Variants in NID1 observed in about 807,000 individuals in gnomAD.
NID1 encodes the protein nidogen-1.
Under a neutral mutation model 130.6 loss-of-function variants are expected in NID1, and 76 were observed. The observed-to-expected ratio is 0.58, with a 90% confidence interval of 0.48 to 0.70. The LOEUF (loss-of-function observed/expected upper bound fraction) is 0.70. Among genes scored for constraint, NID1 ranks in the 30% least tolerant of loss-of-function variants. NID1 has a pLI of 0.00. For synonymous variants in NID1, 665 were observed against 675.1 expected (o/e 0.98, Z 0.23); for missense variants, 1,517 against 1,664.8 (o/e 0.91, Z 1.54).
chr1:236,030,373 G>A (rs138575704), intron 6 of NID1, among the ~76,000 whole-genome samples: 129 of 152,252 alleles, frequency 8.5e-4, no homozygotes, highest in African/African-American at 3.0e-3. Flanking sequence ...GACAGCAGGG[G>A]TTGACAAACT....
chr1:236,028,969 G>A (rs1659018789), intron 7 of NID1, among the ~76,000 whole-genome samples: 1 of 152,110 alleles, frequency 6.6e-6, no homozygotes, highest in South Asian at 2.1e-4. Context: ...TTGAGGTCAG[G>A]AGTTCCAGAT....
intron 3 of NID1, among the ~76,000 whole-genome samples, chr1:236,042,625 G>T (rs1659488615): frequency 6.6e-6 from 1 of 152,230 alleles, no homozygotes; most frequent in African/African-American, 2.4e-5. Context: ...TATGAGCTAA[G>T]GTGGCTCATA....
At chr1:236,025,826 A>G (rs1658912857) in intron 8 of NID1, 70 bp downstream of exon 8, 10 of 1,566,870 alleles carry the variant, frequency 6.4e-6, no homozygotes, top group Non-Finnish European at 8.7e-6. Flanking sequence ...AGAGACCAAA[A>G]ACAATGTCAA....
intron 13 of NID1, 46 bp from the exon 14 acceptor site, chr1:235,991,104 A>G: frequency 6.7e-7 from 1 of 1,486,010 alleles, no homozygotes; most frequent in Non-Finnish European, 9.0e-7. Context: ...GTGCACCAGG[A>G]ACACACAGAT....
Position 236,038,153 on chromosome 1 carries a change from G to T in NID1, c.1236C>A (p.Cys412Ter). 6.2e-7 allele frequency: 1 copy of T among 1,610,294 alleles called. No individual in the cohort carries two copies. The highest frequency in any genetic ancestry group is 1.7e-4 in the Middle Eastern group (1 of 6,052). The change falls in exon 5 of 20, where the codon TGC becomes TGA. Residue 412 changes from cysteine to a stop codon, truncating the protein, a stop_gained. Coordinates refer to ENST00000264187, the MANE Select transcript of NID1 (RefSeq NM_002508.3). LOFTEE classifies it high-confidence loss of function. ...TGCCCGTATAGCCAGCGACACAGCT[G>T]CAGCAGAAGCCCGTGGCGTAGTCCC... Reference protein sequence around the residue: ...ECRDYATGFCCSCVAGYTGNG... With the variant: ...ECRDYATGFC
chr1:235,994,727 C>T (rs1468656010), intron 12 of NID1, among the ~76,000 whole-genome samples: 12 of 141,576 alleles, frequency 8.5e-5, no homozygotes, highest in African/African-American at 2.9e-4. Context: ...GACGGAGTCT[C>T]GCTCTGTTGC....
intron 2 of NID1, among the ~76,000 whole-genome samples, chr1:236,048,322 G>A (rs149293479): frequency 0.014 from 2,069 of 151,108 alleles, 36 homozygotes; most frequent in African/African-American, 0.044. Context: ...GCGACAGAGC[G>A]AGACTCCATC....
At chr1:236,042,326 C>T (rs770057011) in intron 3 of NID1, 34 bp from the exon 4 acceptor site, 1 of 1,577,850 alleles carries the variant, frequency 6.3e-7, no homozygotes, top group African/African-American at 1.4e-5. Context: ...AGAAACAGGC[C>T]AGCAACCCAC....
chr1:236,064,664 G>C, intron 1 of NID1, 191 bp downstream of exon 1: 2 of 635,490 alleles, frequency 3.1e-6, no homozygotes, highest in Admixed American at 2.3e-5. Flanking sequence ...CCGCTCTTCG[G>C]ATAGCAGGGA....
intron 9 of NID1, among the ~76,000 whole-genome samples, chr1:236,023,538 T>A (rs1658828890): frequency 6.6e-6 from 1 of 152,210 alleles, no homozygotes; most frequent in African/African-American, 2.4e-5. Flanking sequence ...ACAGTGGTGA[T>A]GGTTACACAA....
intron 12 of NID1, among the ~76,000 whole-genome samples, chr1:236,009,032 G>A (rs558329562): frequency 4.6e-5 from 7 of 152,222 alleles, no homozygotes; most frequent in South Asian, 2.1e-4. Context: ...TTCATATTCC[G>A]ACTGAGAAAT....
intron 14 of NID1, among the ~76,000 whole-genome samples, chr1:235,987,922 A>G (rs1036195842): frequency 1.3e-5 from 2 of 152,346 alleles, no homozygotes; most frequent in East Asian, 1.9e-4. Context: ...TAAATGTAAG[A>G]GCAAACTTAT....
rs769344749 is a variant in NID1, at chr1:236,048,674, C to A, written c.525+16G>T. 6 of 1,603,758 alleles carry A rather than the reference C, an allele frequency of 3.7e-6. No individual in the cohort carries two copies. The highest frequency in any genetic ancestry group is 5.1e-6 in the Non-Finnish European group (6 of 1,178,088). ...TGTGTCTGATTACCTGCACTTGGAC[C>A]TGGAGGGGAGCTTACCTTGCCTTTC... On this transcript the variant is annotated intron_variant, in intron 2 of 19. Transcript: ENST00000264187.
intron 12 of NID1, among the ~76,000 whole-genome samples, chr1:236,002,593 T>C (rs1369766244): frequency 6.6e-6 from 1 of 152,178 alleles, no homozygotes; most frequent in African/African-American, 2.4e-5. Flanking sequence ...CTAGGCGCAG[T>C]GGCTGAACGG....
intron 10 of NID1, among the ~76,000 whole-genome samples, chr1:236,014,843 C>T (rs926132256): frequency 2.6e-5 from 4 of 152,308 alleles, no homozygotes; most frequent in Middle Eastern, 3.4e-3. Flanking sequence ...GGGGTATCTA[C>T]ATCTTCACAT....
At chr1:235,983,926 C>T (rs1282922450) in intron 15 of NID1, among the ~76,000 whole-genome samples, 2 of 151,754 alleles carry the variant, frequency 1.3e-5, no homozygotes, top group East Asian at 1.9e-4. Context: ...CTCTCACTCA[C>T]TAGGGAAGCA....
intron 12 of NID1, among the ~76,000 whole-genome samples, chr1:236,003,304 T>C (rs1294379777): frequency 2.6e-5 from 4 of 152,254 alleles, no homozygotes; most frequent in Non-Finnish European, 5.9e-5. Flanking sequence ...TTACTGTTCA[T>C]GTGTCAAGCA....
chr1:235,988,148 T>C (rs1471850098), intron 14 of NID1, among the ~76,000 whole-genome samples: 1 of 152,182 alleles, frequency 6.6e-6, no homozygotes, highest in African/African-American at 2.4e-5. Flanking sequence ...ATGTATCTTT[T>C]AAAGAGTTAA....
At chr1:235,998,129 C>A (rs1030342827) in intron 12 of NID1, among the ~76,000 whole-genome samples, 2 of 152,174 alleles carry the variant, frequency 1.3e-5, no homozygotes, top group African/African-American at 4.8e-5. Flanking sequence ...CAGTGACATT[C>A]CATAAGTGTG....
Sources: allele counts gnomAD v4.1 joint callset (sites outside exome capture counted in the v4.1 genomes callset), GRCh38; gene constraint gnomAD v4.1.1; transcripts MANE v1.5; gene names NCBI Gene and HGNC (gene_info 2026-07-23, HGNC 2026-07-21).